The following CELF2 variants were observed in gnomAD, a reference collection of about 807,000 sequenced individuals.
The protein encoded by CELF2 is CUG triplet repeat RNA-binding protein 2.
A neutral mutation model predicts 62.6 loss-of-function variants in CELF2; 8 were observed. The observed-to-expected ratio is 0.13, with a 90% CI of 0.07 to 0.23. CELF2 has a LOEUF of 0.23. Among genes scored for constraint, CELF2 ranks in the 10% least tolerant of loss-of-function variants. The pLI is 1.00. For synonymous variants in CELF2, 258 were observed against 250.0 expected, an observed-to-expected ratio of 1.03 and a Z score of -0.30; for missense variants, 333 against 671.0, an observed-to-expected ratio of 0.50 and a Z score of 5.56.
At chr10:10,626,414 G>A in the CELF2 span, among the ~76,000 whole-genome samples, 5 of 151,990 alleles carry the variant, frequency 3.3e-5, no homozygotes, top group Admixed American at 6.6e-5. Flanking sequence ...TGTACTAAAC[G>A]AGTTTCATAT....
chr10:10,898,837 G>A (rs2062742445), intron 1 of CELF2, among the ~76,000 whole-genome samples: 1 of 152,040 alleles, frequency 6.6e-6, no homozygotes, highest in Non-Finnish European at 1.5e-5. Flanking sequence ...AGAACATTTA[G>A]CAAAATAGTT....
intron 1 of CELF2, among the ~76,000 whole-genome samples, chr10:10,834,705 G>A (rs1203377508): frequency 6.6e-6 from 1 of 152,174 alleles, no homozygotes; most frequent in African/African-American, 2.4e-5. Context: ...TAACAATGAG[G>A]AAGCTCACGA....
chr10:10,878,343 A>G (rs1227682632), intron 1 of CELF2, among the ~76,000 whole-genome samples: 1 of 152,210 alleles, frequency 6.6e-6, no homozygotes, highest in African/African-American at 2.4e-5. Flanking sequence ...GGGAAAAAAC[A>G]AACAGGCCTT....
chr10:11,328,818 G>C lies in CELF2; in HGVS notation c.1439-108G>C. 1.5e-6 allele frequency: 2 copies of C among 1,316,740 alleles called. No homozygotes were observed. The highest frequency in any genetic ancestry group is 4.8e-5 in the East Asian group (2 of 41,276). The allele number at this position is 1,316,740 out of a possible 1,614,324, so 81.6% of individuals were successfully genotyped here. A position where few individuals can be genotyped will look rare whatever the true frequency, so the allele number is the denominator to read the frequency against. On this transcript the variant is annotated intron_variant, in intron 12 of 12. Transcript: ENST00000633077. The surrounding 1 kb of genome is among the most constrained non-coding windows in gnomAD (Gnocchi z 6.4). ...CGCAGAGCTGTGCTGGGCCCGTGGG[G>C]CTGGCACCTCATGCTGGCTCTTCAG...
At chr10:10,814,856 T>C (rs1475639757) in intron 1 of CELF2, among the ~76,000 whole-genome samples, 1 of 152,164 alleles carries the variant, frequency 6.6e-6, no homozygotes, top group Non-Finnish European at 1.5e-5. Context: ...TTGGTGAGGC[T>C]TTCAGTATGC....
the CELF2 span, among the ~76,000 whole-genome samples, chr10:10,524,729 T>A: frequency 6.6e-6 from 1 of 152,098 alleles, no homozygotes. Flanking sequence ...GCCTCACACT[T>A]TGATTGAGCA....
intron 4 of CELF2, among the ~76,000 whole-genome samples, chr10:11,251,027 G>C (rs1198958862): frequency 6.6e-6 from 1 of 152,106 alleles, no homozygotes; most frequent in Non-Finnish European, 1.5e-5. Flanking sequence ...CTTGTATTTT[G>C]GGATGAATCC....
chr10:11,015,673 C>G (rs768097574), upstream of CELF2, among the ~76,000 whole-genome samples: 2 of 152,164 alleles, frequency 1.3e-5, no homozygotes, highest in Non-Finnish European at 2.9e-5. This position sits in a 1 kb window ranked among gnomAD's most constrained non-coding sequence, Gnocchi z 4.8. Context: ...AAAGCAGTAA[C>G]CTATGCACTT....
intron 1 of CELF2, among the ~76,000 whole-genome samples, chr10:10,841,606 T>C (rs1360163972): frequency 6.6e-6 from 1 of 152,130 alleles, no homozygotes; most frequent in Non-Finnish European, 1.5e-5. Context: ...CTTTCTATTC[T>C]GATACATTGA....
rs137890829 is a variant in CELF2, at chr10:10,838,427, C to T, written c.53+39610C>T. ...TGCACTTTTTGGGAAGAAGTCACAA[C>T]GTGCAGCCCACACTTAAGGAGTGGG... On this transcript the variant is annotated intron_variant, in intron 1 of 13. Coordinates refer to the CELF2 transcript ENST00000636488. Among the ~76,000 whole-genome samples the T allele has an allele frequency of 9.2e-5, 14 of 152,288 alleles. 1 individual carries two copies. The East Asian group carries it at 1.4e-3, about 15-fold the overall frequency.
the CELF2 span, among the ~76,000 whole-genome samples, chr10:10,625,219 A>G: frequency 6.6e-6 from 1 of 152,210 alleles, no homozygotes. Context: ...CAAATTAAAG[A>G]TAACCCCCAT....
chr10:10,851,161 G>A (rs568505674), intron 1 of CELF2, among the ~76,000 whole-genome samples: 4 of 152,292 alleles, frequency 2.6e-5, no homozygotes, highest in African/African-American at 9.6e-5. Context: ...CAAGGAAGAA[G>A]CAGAGGCATA....
At chr10:11,088,414 T>A (rs944492829) in intron 1 of CELF2, among the ~76,000 whole-genome samples, 7 of 152,196 alleles carry the variant, frequency 4.6e-5, no homozygotes, top group Non-Finnish European at 1.0e-4. Flanking sequence ...GGACTTTGCA[T>A]GCTGGGCTAG....
At chr10:10,591,551 A>G in the CELF2 span, among the ~76,000 whole-genome samples, 1 of 152,004 alleles carries the variant, frequency 6.6e-6, no homozygotes, top group Admixed American at 6.5e-5. Flanking sequence ...AGATTTCTTT[A>G]TTTTGTAAGT....
chr10:11,188,080 C>G (rs1397749704), intron 2 of CELF2, among the ~76,000 whole-genome samples: 1 of 152,074 alleles, frequency 6.6e-6, no homozygotes. Context: ...TGTTTTGCCC[C>G]TTTTTTGAAG....
chr10:10,507,831 C>T, the CELF2 span, among the ~76,000 whole-genome samples: 24 of 152,276 alleles, frequency 1.6e-4, no homozygotes, highest in African/African-American at 5.3e-4. Context: ...AAAAAATTAG[C>T]ACATTCTAAG....
chr10:10,974,659 G>A (rs1030143602), intron 2 of CELF2, among the ~76,000 whole-genome samples: 6 of 152,186 alleles, frequency 3.9e-5, no homozygotes, highest in African/African-American at 1.4e-4. Flanking sequence ...ACGTGATTAT[G>A]TATAGCAATT....
At chr10:10,699,174 T>A in the CELF2 span, among the ~76,000 whole-genome samples, 1 of 152,158 alleles carries the variant, frequency 6.6e-6, no homozygotes, top group Non-Finnish European at 1.5e-5. Context: ...AAATGAAATA[T>A]TTCCCCAATA....
Position 11,220,397 on chromosome 10 carries a change from C to T in CELF2, c.354+2890C>T, listed in dbSNP as rs1379436252. Among the ~76,000 whole-genome samples, 2 of 152,188 alleles carry T rather than the reference C, an allele frequency of 1.3e-5. No individual in the cohort carries two copies. The highest frequency in any genetic ancestry group is 2.9e-5 in the Non-Finnish European group (2 of 68,024). On this transcript the variant is annotated intron_variant, in intron 3 of 12. Coordinates refer to ENST00000633077, the MANE Select transcript of CELF2 (RefSeq NM_001326342.2). The surrounding 1 kb of genome is among the most constrained non-coding windows in gnomAD (Gnocchi z 4.4). ...AACTTGGTTAGTTAGGAAGCAGAAACAAGTTGATAGGATGGTCTGTTGTGC... is the reference window on the plus strand; with the variant it reads ...AACTTGGTTAGTTAGGAAGCAGAAATAAGTTGATAGGATGGTCTGTTGTGC...
Sources: allele counts gnomAD v4.1 joint callset (sites outside exome capture counted in the v4.1 genomes callset), GRCh38; gene constraint gnomAD v4.1.1; non-coding constraint Gnocchi (gnomAD v3.1); transcripts MANE v1.5; gene names NCBI Gene and HGNC (gene_info 2026-07-23, HGNC 2026-07-21).